The following TSPAN7 variants were observed in gnomAD, a reference collection of about 807,000 sequenced individuals.
TSPAN7 encodes tetraspanin 7.
In TSPAN7, 1 loss-of-function variant was observed where a neutral mutation model predicts 17.6. That is an observed-to-expected ratio of 0.06 (90% CI 0.02 to 0.27). The LOEUF (loss-of-function observed/expected upper bound fraction) is 0.27, where lower values mean the gene tolerates loss of function less well. Ranked by LOEUF, TSPAN7 falls within the 10% of genes least tolerant of loss-of-function variation. TSPAN7 has a pLI of 1.00. For missense variants in TSPAN7, 112 were observed against 201.7 expected, an observed-to-expected ratio of 0.56 and a Z score of 2.69; for synonymous variants, 78 against 79.0, an observed-to-expected ratio of 0.99 and a Z score of 0.07.
chrX:38,623,546 C>G (rs749585231), intron 1 of TSPAN7, among the ~76,000 whole-genome samples: 1 of 109,281 alleles, frequency 9.2e-6, no homozygotes, highest in South Asian at 4.2e-4. Flanking sequence ...GTGGCTCTTT[C>G]CTCTATACTC....
chrX:38,599,605 A>G (rs941092203), intron 1 of TSPAN7, among the ~76,000 whole-genome samples: 4 of 111,480 alleles, frequency 3.6e-5, no homozygotes, highest in African/African-American at 1.3e-4. Context: ...TTTTGAGTCA[A>G]TCAAGTACTG....
chrX:38,589,393 T>C (rs2069277883), intron 1 of TSPAN7, among the ~76,000 whole-genome samples: 1 of 112,320 alleles, frequency 8.9e-6, no homozygotes, highest in South Asian at 3.7e-4. Flanking sequence ...TCCACTTTTT[T>C]ACTAATATAA....
chrX:38,597,316 A>ATT (rs746639678), intron 1 of TSPAN7, among the ~76,000 whole-genome samples: 112 of 109,419 alleles, frequency 1.0e-3, no homozygotes, highest in African/African-American at 3.7e-3. Flanking sequence ...ATAAACAAGT[A>ATT]TTTTTTTTTG....
In TSPAN7 at chrX:38,579,496, G is replaced by T. The variant is rs749412637; in HGVS notation, c.81+17869G>T. Among the ~76,000 whole-genome samples the T allele has an allele frequency of 6.3e-3, 698 of 110,864 alleles. 5 individuals are homozygous for T. The highest frequency in any genetic ancestry group is 0.022 in the African/African-American group (667 of 30,446). On this transcript the variant is annotated intron_variant, in intron 1 of 7. Transcript: ENST00000378482. ...AGCTACTCAGGAGGCTGAGGCAGGAGAATCACTTGAACCTTGGAGGCAGAG... is the reference window on the plus strand; with the variant it reads ...AGCTACTCAGGAGGCTGAGGCAGGATAATCACTTGAACCTTGGAGGCAGAG...
At chrX:38,607,375 C>T (rs2069389273) in intron 1 of TSPAN7, among the ~76,000 whole-genome samples, 1 of 111,559 alleles carries the variant, frequency 9.0e-6, no homozygotes, top group Admixed American at 9.5e-5. Context: ...TTAGATGTCT[C>T]ACTGCTTTTT....
At chrX:38,680,408 T>G (rs1015476745) in intron 5 of TSPAN7, among the ~76,000 whole-genome samples, 1 of 111,308 alleles carries the variant, frequency 9.0e-6, no homozygotes, top group African/African-American at 3.3e-5. Context: ...TCTTTATTTT[T>G]CGCAGACTTT....
intron 1 of TSPAN7, among the ~76,000 whole-genome samples, chrX:38,664,712 T>C (rs1429888718): frequency 3.6e-5 from 4 of 112,245 alleles, no homozygotes; most frequent in Non-Finnish European, 7.5e-5. Flanking sequence ...TTTTTCTGAT[T>C]TAAAACCTTT....
chrX:38,608,432 T>C (rs2069398162), intron 1 of TSPAN7, among the ~76,000 whole-genome samples: 1 of 110,660 alleles, frequency 9.0e-6, no homozygotes, highest in Admixed American at 9.6e-5. Flanking sequence ...CAGAAGACAG[T>C]ATTTGGTTTT....
At chrX:38,662,090 T>C (rs1479328463) in intron 1 of TSPAN7, among the ~76,000 whole-genome samples, 8 of 111,531 alleles carry the variant, frequency 7.2e-5, no homozygotes, top group African/African-American at 2.6e-4. Flanking sequence ...GCCCTTTGCT[T>C]GTAGGTGAGT....
At chrX:38,686,637 G>A (rs1426444619) in intron 6 of TSPAN7, among the ~76,000 whole-genome samples, 1 of 112,125 alleles carries the variant, frequency 8.9e-6, no homozygotes, top group East Asian at 2.8e-4. Context: ...ATCTAAGGAG[G>A]AGGGACTACA....
intron 1 of TSPAN7, among the ~76,000 whole-genome samples, chrX:38,584,111 G>A (rs2147401914): frequency 9.3e-6 from 1 of 107,737 alleles, no homozygotes; most frequent in African/African-American, 3.4e-5. Flanking sequence ...CCACCCCCAT[G>A]CCCAGCTAAT....
chrX:38,633,032 AG>A (rs1429135570), intron 1 of TSPAN7, among the ~76,000 whole-genome samples: 2 of 112,255 alleles, frequency 1.8e-5, no homozygotes, highest in Non-Finnish European at 3.8e-5. Flanking sequence ...TGTGTGCCAT[AG>A]GTTTACTTAC....
At chrX:38,676,232 T>A (rs2069853167) in intron 5 of TSPAN7, among the ~76,000 whole-genome samples, 1 of 111,271 alleles carries the variant, frequency 9.0e-6, no homozygotes, top group Non-Finnish European at 1.9e-5. Context: ...CAGCTGGGTG[T>A]CAGTTTTTGA....
intron 1 of TSPAN7, among the ~76,000 whole-genome samples, chrX:38,601,110 T>C (rs2069344259): frequency 2.7e-5 from 3 of 111,575 alleles, no homozygotes; most frequent in Admixed American, 1.9e-4. Context: ...AGCACAGGGA[T>C]CAATACTACA....
At chrX:38,628,947 G>A (rs1419540991) in intron 1 of TSPAN7, among the ~76,000 whole-genome samples, 5 of 111,643 alleles carry the variant, frequency 4.5e-5, no homozygotes, top group Non-Finnish European at 9.4e-5. Flanking sequence ...ATATAATCAA[G>A]AACCATGTTG....
intron 4 of TSPAN7, among the ~76,000 whole-genome samples, chrX:38,675,346 G>T (rs757658342): frequency 3.6e-5 from 4 of 112,076 alleles, no homozygotes; most frequent in Non-Finnish European, 7.5e-5. Flanking sequence ...ATATCCCAGG[G>T]GAGAGTTTTT....
chrX:38,603,501 A>G (rs761934580), intron 1 of TSPAN7, among the ~76,000 whole-genome samples: 1 of 112,356 alleles, frequency 8.9e-6, no homozygotes, highest in Admixed American at 9.4e-5. Context: ...CAGAAGTGGA[A>G]ACAACCCAAA....
chrX:38,606,526 G>C (rs2069384412), intron 1 of TSPAN7, among the ~76,000 whole-genome samples: 1 of 111,384 alleles, frequency 9.0e-6, no homozygotes, highest in African/African-American at 3.3e-5. Context: ...TTAGGTCAGA[G>C]TTTTCTAGGA....
intron 1 of TSPAN7, among the ~76,000 whole-genome samples, chrX:38,575,455 C>A (rs1400515356): frequency 9.0e-6 from 1 of 111,612 alleles, no homozygotes; most frequent in Non-Finnish European, 1.9e-5. Context: ...AATAAAGAAT[C>A]CAGAAATAAA....
Sources: allele counts gnomAD v4.1 joint callset (sites outside exome capture counted in the v4.1 genomes callset), GRCh38; gene constraint gnomAD v4.1.1; transcripts MANE v1.5; gene names NCBI Gene and HGNC (gene_info 2026-07-23, HGNC 2026-07-21).